The following NR6A1 variants were observed in gnomAD, a reference collection of about 807,000 sequenced individuals.
NR6A1 encodes retinoic acid receptor-related testis-associated receptor.
A neutral mutation model predicts 59.1 loss-of-function variants in NR6A1; 7 were observed. That is an observed-to-expected ratio of 0.12 (90% confidence interval 0.07 to 0.22). The LOEUF (loss-of-function observed/expected upper bound fraction) is 0.22. Ranked by LOEUF, NR6A1 falls within the 10% of genes least tolerant of loss-of-function variation. The pLI is 1.00. For missense variants in NR6A1, 468 were observed against 611.6 expected, an observed-to-expected ratio of 0.77 and a Z score of 2.48; for synonymous variants, 243 against 236.1, an observed-to-expected ratio of 1.03 and a Z score of -0.27.
intron 2 of NR6A1, among the ~76,000 whole-genome samples, chr9:124,624,493 T>C (rs1225140273): frequency 6.6e-6 from 1 of 152,214 alleles, no homozygotes; most frequent in Admixed American, 6.5e-5. Flanking sequence ...ATATTAGGTA[T>C]CTTTTCTTAA....
chr9:124,721,001 T>C (rs182267804), intron 2 of NR6A1, among the ~76,000 whole-genome samples: 2 of 152,200 alleles, frequency 1.3e-5, no homozygotes, highest in Non-Finnish European at 2.9e-5. Flanking sequence ...CAAATGTTTA[T>C]TAAAAGTCTT....
intron 2 of NR6A1, among the ~76,000 whole-genome samples, chr9:124,716,489 T>A (rs933812869): frequency 6.6e-6 from 1 of 152,208 alleles, no homozygotes; most frequent in African/African-American, 2.4e-5. Flanking sequence ...GTTCTGTTCC[T>A]CACAAAACAT....
intron 7 of NR6A1, among the ~76,000 whole-genome samples, chr9:124,533,305 A>T (rs574786529): frequency 1.3e-5 from 2 of 152,364 alleles, no homozygotes; most frequent in Non-Finnish European, 2.9e-5. Context: ...GGAAACAATG[A>T]ATTAGAGTCT....
At chr9:124,652,518 C>T (rs1391073062) in intron 2 of NR6A1, among the ~76,000 whole-genome samples, 2 of 152,186 alleles carry the variant, frequency 1.3e-5, no homozygotes, top group Non-Finnish European at 2.9e-5. Context: ...GTGCCTAGTA[C>T]AGTGCATGGC....
chr9:124,649,540 G>A (rs563006216), intron 2 of NR6A1, among the ~76,000 whole-genome samples: 5 of 152,246 alleles, frequency 3.3e-5, no homozygotes, highest in Non-Finnish European at 7.4e-5. Flanking sequence ...CAGGACACGG[G>A]TCTGGCAAAG....
In NR6A1 at chr9:124,770,638, G is replaced by A. The variant is rs79411826; in HGVS notation, c.100+382C>T. On this transcript the variant is annotated intron_variant, in intron 1 of 9. Coordinates refer to ENST00000487099, the MANE Select transcript of NR6A1 (RefSeq NM_033334.4). ...TCCAACCTGAGGAGCCCGGGGGGAG[G>A]GGAAGGTTCGGTGCTGGGAAGACAG... 0.014 allele frequency among the ~76,000 whole-genome samples: 2,036 copies of A among 145,540 alleles called. 68 individuals carry two copies. The East Asian group carries it at 0.14, about 10-fold the overall frequency.
chr9:124,588,214 A>G (rs909378316), intron 2 of NR6A1, among the ~76,000 whole-genome samples: 2 of 152,138 alleles, frequency 1.3e-5, no homozygotes, highest in African/African-American at 4.8e-5. Flanking sequence ...TTGGTAACCT[A>G]TGGCAAATGT....
chr9:124,764,752 A>G (rs950129513), intron 1 of NR6A1, among the ~76,000 whole-genome samples: 1 of 152,234 alleles, frequency 6.6e-6, no homozygotes, highest in South Asian at 2.1e-4. Flanking sequence ...CACTATTACC[A>G]AATTTTTAAA....
intron 2 of NR6A1, among the ~76,000 whole-genome samples, chr9:124,681,692 C>CA (rs1838165678): frequency 6.6e-6 from 1 of 152,090 alleles, no homozygotes; most frequent in African/African-American, 2.4e-5. Flanking sequence ...TTTTATCTGT[C>CA]ACTGTGAGCT....
intron 7 of NR6A1, among the ~76,000 whole-genome samples, chr9:124,535,641 T>C (rs944729950): frequency 2.6e-5 from 4 of 152,190 alleles, no homozygotes; most frequent in Admixed American, 2.0e-4. Context: ...ATGCATAAAA[T>C]GTATTCCTAA....
chr9:124,679,898 A>C (rs1037843846), intron 2 of NR6A1, among the ~76,000 whole-genome samples: 3 of 151,228 alleles, frequency 2.0e-5, no homozygotes, highest in Admixed American at 6.6e-5. Flanking sequence ...TTCCATCTCA[A>C]AGAGAAAAAA....
chr9:124,624,706 A>C (rs1212973393), intron 2 of NR6A1, among the ~76,000 whole-genome samples: 1 of 152,194 alleles, frequency 6.6e-6, no homozygotes, highest in Non-Finnish European at 1.5e-5. Flanking sequence ...ATCAAATATT[A>C]TTCAGTCAGA....
At chr9:124,712,366 T>C (rs1839302037) in intron 2 of NR6A1, among the ~76,000 whole-genome samples, 1 of 152,074 alleles carries the variant, frequency 6.6e-6, no homozygotes, top group Non-Finnish European at 1.5e-5. Context: ...CCCAGCACTT[T>C]GGGAGGCCGA....
chr9:124,650,853 C>A (rs1837078561), intron 2 of NR6A1, among the ~76,000 whole-genome samples: 1 of 152,154 alleles, frequency 6.6e-6, no homozygotes. Flanking sequence ...TCTTTTTAAA[C>A]TTGAAACATT....
At position 124,526,831 on chromosome 9, in the gene NR6A1, C is replaced by G; in HGVS notation, c.1149G>C (p.Lys383Asn). Reference sequence around the variant, plus strand: ...TGCAAGCATACTCCTCGTTGCTGACCTTTAGCTGATGGAACTTGTGATAGA... The same window carrying G: ...TGCAAGCATACTCCTCGTTGCTGACGTTTAGCTGATGGAACTTGTGATAGA... ...IYLYHKFHQL[K>N]VSNEEYACMK... is the part of the protein sequence containing the mutation. The change falls in exon 8 of 10, where the codon AAG becomes AAC. Residue 383 changes from lysine (K) to asparagine (N), a missense_variant. Physicochemically the swap from Lys to Asn is moderately conservative, Grantham distance 94. Coordinates refer to ENST00000487099, the MANE Select transcript of NR6A1 (RefSeq NM_033334.4). The G allele has an allele frequency of 1.9e-6, 3 of 1,614,124 alleles. No homozygotes were observed. The East Asian group carries it at 6.7e-5, about 36-fold the overall frequency.
intron 2 of NR6A1, among the ~76,000 whole-genome samples, chr9:124,725,027 C>T (rs1475576476): frequency 6.6e-6 from 1 of 152,222 alleles, no homozygotes; most frequent in Non-Finnish European, 1.5e-5. Context: ...GCAACAATGA[C>T]TTCTATTCTC....
chr9:124,666,997 C>T (rs1837642680), intron 2 of NR6A1, among the ~76,000 whole-genome samples: 1 of 151,852 alleles, frequency 6.6e-6, no homozygotes, highest in Non-Finnish European at 1.5e-5. Flanking sequence ...TATGTAGTAG[C>T]TATGGTTTTA....
intron 2 of NR6A1, among the ~76,000 whole-genome samples, chr9:124,613,337 A>ATAAAAT (rs1245901665): frequency 2.6e-4 from 39 of 152,238 alleles, no homozygotes; most frequent in African/African-American, 7.9e-4. Context: ...TGTCTCTAAA[A>ATAAAAT]TAAAATTAAA....
intron 1 of NR6A1, among the ~76,000 whole-genome samples, chr9:124,763,728 C>T (rs1301976335): frequency 6.6e-6 from 1 of 152,076 alleles, no homozygotes; most frequent in African/African-American, 2.4e-5. Context: ...GACAGAAAGA[C>T]TAAATTAGAT....
Sources: gnomAD v4.1 joint callset for allele counts (sites outside exome capture counted in the v4.1 genomes callset) on GRCh38, gnomAD v4.1.1 for gene constraint, MANE v1.5 for transcripts, NCBI Gene and HGNC (gene_info 2026-07-23, HGNC 2026-07-21) for gene names.